The following ZNF670 variants were observed in gnomAD, a reference collection of about 807,000 sequenced individuals.
ZNF670 encodes zinc finger protein 670.
A neutral mutation model predicts 10.9 loss-of-function variants in ZNF670; 7 were observed. That is an observed-to-expected ratio of 0.64 (90% confidence interval 0.36 to 1.20). The LOEUF (loss-of-function observed/expected upper bound fraction) is 1.20, where lower values mean the gene tolerates loss of function less well. Ranked by LOEUF, ZNF670 falls within the 50% of genes most tolerant of loss-of-function variation. ZNF670 has a pLI of 0.02. For missense variants in ZNF670, 446 were observed against 458.6 expected, an observed-to-expected ratio of 0.97 and a Z score of 0.25; for synonymous variants, 136 against 152.7, an observed-to-expected ratio of 0.89 and a Z score of 0.81.
Position 247,035,694 on chromosome 1 carries a change from T to C in ZNF670, c.*1755A>G, listed in dbSNP as rs999640883. 6.6e-6 allele frequency among the ~76,000 whole-genome samples: 1 copy of C among 152,188 alleles called. No homozygotes were observed. The highest frequency in any genetic ancestry group is 1.5e-5 in the Non-Finnish European group (1 of 68,030). On this transcript the variant is annotated 3_prime_UTR_variant, in exon 4 of 4. Coordinates refer to ENST00000366503, the MANE Select transcript of ZNF670 (RefSeq NM_033213.5). ...TATAAGTATACATGTAGACATGCTA[T>C]ATATACAGATGATGCTATACTATAT...
At chr1:247,056,115 C>CA (rs35807997) in intron 1 of ZNF670, among the ~76,000 whole-genome samples, 18,446 of 140,710 alleles carry the variant, frequency 0.13, 1,484 homozygotes, top group African/African-American at 0.23. Context: ...TCTTACAGAC[C>CA]AAAAAAAAAA....
At chr1:247,067,582 C>T (rs111637397) in intron 1 of ZNF670, among the ~76,000 whole-genome samples, 34,827 of 151,086 alleles carry the variant, frequency 0.23, 4,433 homozygotes, top group Middle Eastern at 0.35. Context: ...GTGGCTCACG[C>T]CTGTAATCCC....
At chr1:247,055,817 A>C (rs990996873) in intron 1 of ZNF670, among the ~76,000 whole-genome samples, 1 of 152,216 alleles carries the variant, frequency 6.6e-6, no homozygotes, top group Non-Finnish European at 1.5e-5. Flanking sequence ...CAAAGGGATA[A>C]AAAAGGATAT....
chr1:247,049,538 G>C (rs913702738), intron 1 of ZNF670, among the ~76,000 whole-genome samples: 1 of 151,990 alleles, frequency 6.6e-6, no homozygotes, highest in South Asian at 2.1e-4. Context: ...TCTGATCTTT[G>C]TTAGTTCTTT....
At chr1:247,064,302 T>G (rs1670933470) in intron 1 of ZNF670, among the ~76,000 whole-genome samples, 1 of 152,212 alleles carries the variant, frequency 6.6e-6, no homozygotes, top group African/African-American at 2.4e-5. Context: ...CAGTGGCTCT[T>G]AAGACAAAGG....
At chr1:247,038,716 T>G in intron 3 of ZNF670, 94 bp downstream of exon 3, 1 of 1,140,520 alleles carries the variant, frequency 8.8e-7, no homozygotes, top group Non-Finnish European at 1.3e-6. Context: ...AAAAAAAATT[T>G]CTAGTGGTTC....
chr1:247,068,610 A>G (rs1671046824), intron 1 of ZNF670, among the ~76,000 whole-genome samples: 1 of 150,718 alleles, frequency 6.6e-6, no homozygotes, highest in East Asian at 1.9e-4. Context: ...GAGATTCCTC[A>G]AAGGACTAAA....
In ZNF670 at chr1:247,037,823, T is replaced by C. The variant is rs1670196943; in HGVS notation, c.796A>G (p.Thr266Ala). Residue 266 changes from threonine to alanine, a missense_variant, in exon 4 of 4, where the codon ACT becomes GCT. Thr to Ala is a moderately conservative substitution (Grantham distance 58). Coordinates refer to ENST00000366503, the MANE Select transcript of ZNF670 (RefSeq NM_033213.5). Reference sequence around the variant, plus strand: ...GTTCTTTCATGTATTCCCAAGTAAGTGGAACGACTGAAGGCTTTGCCACAT... The same window carrying C: ...GTTCTTTCATGTATTCCCAAGTAAGCGGAACGACTGAAGGCTTTGCCACAT... ...KECGKAFSRS[T>A]YLGIHERTHT... The C allele has an allele frequency of 6.2e-7, 1 of 1,613,060 alleles. No individual in the cohort carries two copies. The highest frequency in any genetic ancestry group is 8.5e-7 in the Non-Finnish European group (1 of 1,179,746).
intron 1 of ZNF670, among the ~76,000 whole-genome samples, chr1:247,049,423 A>T (rs1670539488): frequency 6.6e-6 from 1 of 152,010 alleles, no homozygotes; most frequent in Admixed American, 6.6e-5. Context: ...TTCTTGGTTA[A>T]TCTCACTAAT....
intron 1 of ZNF670, among the ~76,000 whole-genome samples, chr1:247,071,719 C>G (rs1037733402): frequency 9.2e-5 from 14 of 151,954 alleles, no homozygotes; most frequent in Admixed American, 9.2e-4. Flanking sequence ...CCTTTTATAC[C>G]GTACATTATT....
Position 247,035,537 on chromosome 1 carries a change from T to C in ZNF670, c.*1912A>G, listed in dbSNP as rs909071754. Among the ~76,000 whole-genome samples, 3 of 152,204 alleles carry C rather than the reference T, an allele frequency of 2.0e-5. No individual in the cohort carries two copies. The highest frequency in any genetic ancestry group is 7.2e-5 in the African/African-American group (3 of 41,456). On this transcript the variant is annotated 3_prime_UTR_variant, in exon 4 of 4. Coordinates refer to ENST00000366503, the MANE Select transcript of ZNF670 (RefSeq NM_033213.5). ...AGACTGATAAGATCAAAATAGTATGTTATAATGCCATAATCCTGTAATATA... is the reference window on the plus strand; with the variant it reads ...AGACTGATAAGATCAAAATAGTATGCTATAATGCCATAATCCTGTAATATA...
intron 1 of ZNF670, among the ~76,000 whole-genome samples, chr1:247,063,191 C>G (rs1430016865): frequency 1.3e-5 from 2 of 152,158 alleles, no homozygotes; most frequent in African/African-American, 4.8e-5. Flanking sequence ...AATGACAAAA[C>G]AGTACCCATT....
chr1:247,037,740 G>A lies in ZNF670; in HGVS notation c.879C>T (p.Ser293=), dbSNP rs1263116723. The A allele has an allele frequency of 1.2e-6, 2 of 1,613,816 alleles. No homozygotes were observed. Among genetic ancestry groups the A allele is most frequent in the African/African-American group, 2.7e-5 (2 of 74,884 alleles). The change falls in exon 4 of 4, where the codon TCC becomes TCT. Residue 293 remains serine, a synonymous_variant. Coordinates refer to ENST00000366503, the MANE Select transcript of ZNF670 (RefSeq NM_033213.5). ...TCCTTTCATGGACTCTGAGGACTCT[G>A]GAACATCTAAAGGCTTTGCCACATT... ...CIKCGKAFRC[S]RVLRVHERTH...
At chr1:247,072,823 T>TATAC in intron 1 of ZNF670, among the ~76,000 whole-genome samples, 1 of 83,968 alleles carries the variant, frequency 1.2e-5, no homozygotes, top group African/African-American at 5.4e-5. Context: ...TATATATATA[T>TATAC]ATATATATAT....
intron 1 of ZNF670, among the ~76,000 whole-genome samples, chr1:247,055,179 G>C (rs761396684): frequency 3.3e-5 from 5 of 152,234 alleles, no homozygotes; most frequent in Non-Finnish European, 5.9e-5. Flanking sequence ...TTTGTCCTTT[G>C]TATAACCAGC....
intron 1 of ZNF670, among the ~76,000 whole-genome samples, chr1:247,077,836 G>A (rs1170995333): frequency 6.6e-6 from 1 of 152,186 alleles, no homozygotes; most frequent in Non-Finnish European, 1.5e-5. Context: ...AGGCACTAGG[G>A]AGACTGAGGT....
At chr1:247,047,656 T>A (rs1377710678) in intron 1 of ZNF670, among the ~76,000 whole-genome samples, 3 of 152,224 alleles carry the variant, frequency 2.0e-5, no homozygotes, top group Admixed American at 6.5e-5. Context: ...AACTTCTGCC[T>A]AGACGTCCGG....
chr1:247,039,060 CTTTTTTTT>C (rs3078762), intron 2 of ZNF670, among the ~76,000 whole-genome samples, 190 bp from the exon 3 acceptor site: 1 of 125,642 alleles, frequency 8.0e-6, no homozygotes, highest in African/African-American at 3.1e-5. Flanking sequence ...TTCTTTCTTT[CTTTTTTTT>C]TTTTTTTTGA....
At chr1:247,039,307 C>G in intron 2 of ZNF670, 104 bp downstream of exon 2, 1 of 1,349,500 alleles carries the variant, frequency 7.4e-7, no homozygotes, top group Non-Finnish European at 1.0e-6. Context: ...GCGATTCACC[C>G]GCCTTGGCCT....
Sources: gnomAD v4.1 joint callset for allele counts (sites outside exome capture counted in the v4.1 genomes callset) on GRCh38, gnomAD v4.1.1 for gene constraint, MANE v1.5 for transcripts, NCBI Gene and HGNC (gene_info 2026-07-23, HGNC 2026-07-21) for gene names.